TENM2: variants seen among roughly 807,000 people sequenced by gnomAD.
TENM2 encodes the protein teneurin-2.
Under a neutral mutation model 245.2 loss-of-function variants are expected in TENM2, and 52 were observed. The observed-to-expected ratio is 0.21, with a 90% CI of 0.17 to 0.27. The LOEUF (loss-of-function observed/expected upper bound fraction) is 0.27. Ranked by LOEUF, TENM2 falls within the 10% of genes least tolerant of loss-of-function variation. The pLI is 1.00. For missense variants in TENM2, 3,046 were observed against 3,666.8 expected, an observed-to-expected ratio of 0.83 and a Z score of 4.37; for synonymous variants, 1,363 against 1,438.9, an observed-to-expected ratio of 0.95 and a Z score of 1.19.
chr5:168,021,706 A>C (rs773910329), intron 5 of TENM2, among the ~76,000 whole-genome samples: 12 of 152,222 alleles, frequency 7.9e-5, no homozygotes, highest in Non-Finnish European at 1.5e-4. Context: ...TGCACTCAGC[A>C]GGTCAAACAA....
chr5:168,005,409 C>T (rs1784745614), intron 5 of TENM2, among the ~76,000 whole-genome samples: 1 of 152,172 alleles, frequency 6.6e-6, no homozygotes, highest in African/African-American at 2.4e-5. Context: ...TGTCTGAATA[C>T]CTTGCTAATT....
chr5:168,184,126 A>G lies in TENM2; in HGVS notation c.2570-6211A>G, dbSNP rs905559278. On this transcript the variant is annotated intron_variant, in intron 13 of 28. Transcript: ENST00000518659. ...TCTAACTTTCTATCATCACTGATTA[A>G]CTTTGCCTGTTCTTGAACATCCTAT... Among the ~76,000 whole-genome samples the G allele has an allele frequency of 5.9e-5, 9 of 152,194 alleles. No homozygotes were observed. In the South Asian group the frequency reaches 1.9e-3, roughly 31 times the overall value.
At chr5:168,077,777 A>G (rs1007035714) in intron 7 of TENM2, among the ~76,000 whole-genome samples, 1 of 152,180 alleles carries the variant, frequency 6.6e-6, no homozygotes, top group African/African-American at 2.4e-5. Context: ...TTATGGCTGC[A>G]TAGTATTCCA....
chr5:168,241,026 C>T (rs1187810702), intron 25 of TENM2: 1 of 152,162 alleles, frequency 6.6e-6, no homozygotes, highest in Non-Finnish European at 1.5e-5. Context: ...GTGTTTTGCT[C>T]TGAAAATGAT....
At chr5:167,724,214 G>T (rs1236083887) in intron 2 of TENM2, among the ~76,000 whole-genome samples, 1 of 152,038 alleles carries the variant, frequency 6.6e-6, no homozygotes, top group Non-Finnish European at 1.5e-5. Flanking sequence ...TTAGGCCTCA[G>T]TGTGACTTGC....
At chr5:168,101,153 C>T (rs573220979) in intron 9 of TENM2, among the ~76,000 whole-genome samples, 3 of 152,164 alleles carry the variant, frequency 2.0e-5, no homozygotes, top group East Asian at 1.9e-4. Flanking sequence ...CTTTTCCTAG[C>T]GGAGGCTTTA....
At chr5:167,600,946 G>A (rs1776593836) in intron 2 of TENM2, among the ~76,000 whole-genome samples, 1 of 151,924 alleles carries the variant, frequency 6.6e-6, no homozygotes, top group African/African-American at 2.4e-5. Flanking sequence ...AAATTATTTG[G>A]CATCGCCATT....
At chr5:167,074,431 G>A in the TENM2 span, among the ~76,000 whole-genome samples, 10 of 152,234 alleles carry the variant, frequency 6.6e-5, no homozygotes, top group African/African-American at 2.2e-4. Flanking sequence ...CATGATGGAG[G>A]TGTTCATAAT....
the TENM2 span, among the ~76,000 whole-genome samples, chr5:167,019,805 A>G: frequency 2.0e-4 from 30 of 152,162 alleles, no homozygotes; most frequent in Middle Eastern, 3.4e-3. Context: ...TTCTATGAAG[A>G]TTTGGGGGCT....
At chr5:167,912,665 T>G (rs898955404) in intron 3 of TENM2, among the ~76,000 whole-genome samples, 1 of 152,120 alleles carries the variant, frequency 6.6e-6, no homozygotes, top group African/African-American at 2.4e-5. Flanking sequence ...TGGCATCTCA[T>G]GGGCATGCCA....
At chr5:167,634,428 TATATC>T (rs1445448396) in intron 2 of TENM2, among the ~76,000 whole-genome samples, 2 of 152,138 alleles carry the variant, frequency 1.3e-5, no homozygotes, top group Non-Finnish European at 2.9e-5. Flanking sequence ...TATTTCTTGT[TATATC>T]AAGCACAAAG....
intron 2 of TENM2, among the ~76,000 whole-genome samples, chr5:167,864,582 A>G (rs1473272586): frequency 2.0e-5 from 3 of 152,208 alleles, no homozygotes; most frequent in African/African-American, 2.4e-5. Flanking sequence ...TTGACATTCA[A>G]TCTGTTTCAA....
intron 2 of TENM2, among the ~76,000 whole-genome samples, chr5:167,664,052 G>A (rs566200023): frequency 8.5e-5 from 13 of 152,256 alleles, no homozygotes; most frequent in African/African-American, 2.9e-4. Context: ...TGCAATTTGA[G>A]CGGAGAGTGA....
At chr5:167,561,191 A>T (rs1773564783) in intron 2 of TENM2, among the ~76,000 whole-genome samples, 1 of 152,188 alleles carries the variant, frequency 6.6e-6, no homozygotes. Flanking sequence ...TTGGTACAGA[A>T]TCACACCCTG....
chr5:167,515,335 G>A (rs1289826862), intron 2 of TENM2, among the ~76,000 whole-genome samples: 2 of 151,956 alleles, frequency 1.3e-5, no homozygotes, highest in African/African-American at 4.8e-5. Context: ...GTCTTTGCAA[G>A]GCAAATAATA....
chr5:168,006,394 C>T (rs1349850003), intron 5 of TENM2, among the ~76,000 whole-genome samples: 1 of 152,124 alleles, frequency 6.6e-6, no homozygotes, highest in African/African-American at 2.4e-5. Context: ...TCCACATGTG[C>T]ATATAGATTC....
In TENM2 at chr5:167,898,510, T is replaced by C. The variant is rs536107798; in HGVS notation, c.712+22315T>C. 1.2e-4 allele frequency among the ~76,000 whole-genome samples: 19 copies of C among 152,202 alleles called. No homozygotes were observed. In the South Asian group the frequency reaches 2.9e-3, roughly 23 times the overall value. ...GGATGCCAACCCAGAAACTCTGATG[T>C]AATAGGGCCAGGCAGCAGCCTGGAC... On this transcript the variant is annotated intron_variant, in intron 3 of 28. Coordinates refer to ENST00000518659, the Ensembl canonical transcript of TENM2.
At chr5:167,315,744 C>T (rs1189671731) in intron 1 of TENM2, among the ~76,000 whole-genome samples, 1 of 151,972 alleles carries the variant, frequency 6.6e-6, no homozygotes, top group Non-Finnish European at 1.5e-5. Context: ...AGACAGAGAC[C>T]TCTAACAAAC....
At chr5:167,142,117 A>G in the TENM2 span, among the ~76,000 whole-genome samples, 1 of 152,178 alleles carries the variant, frequency 6.6e-6, no homozygotes, top group Non-Finnish European at 1.5e-5. Context: ...AAAAACGGAA[A>G]AAGCTGCAAG....
Sources: gnomAD v4.1 joint callset for allele counts (sites outside exome capture counted in the v4.1 genomes callset) on GRCh38, gnomAD v4.1.1 for gene constraint, MANE v1.5 for transcripts, NCBI Gene and HGNC (gene_info 2026-07-23, HGNC 2026-07-21) for gene names.